DRC9: variants seen among roughly 807,000 people sequenced by gnomAD.
DRC9 encodes dynein regulatory complex protein 9.
chr3:197,936,420 A>G, the DRC9 span, among the ~76,000 whole-genome samples: 2 of 152,036 alleles, frequency 1.3e-5, no homozygotes, highest in African/African-American at 2.4e-5. Flanking sequence ...GCTGGAGTGC[A>G]GTGGCACAAT....
chr3:197,908,696 G>A, the DRC9 span, among the ~76,000 whole-genome samples: 2 of 146,070 alleles, frequency 1.4e-5, no homozygotes, highest in Non-Finnish European at 3.0e-5. Flanking sequence ...GTTATCACAG[G>A]GGTGGTGACT....
chr3:197,932,356 C>T, the DRC9 span: 31 of 1,501,930 alleles, frequency 2.1e-5, no homozygotes, highest in South Asian at 5.8e-5. Context: ...TATTTTCAGC[C>T]GGGCATGGTG....
the DRC9 span, among the ~76,000 whole-genome samples, chr3:197,919,412 C>G: frequency 3.9e-5 from 6 of 152,150 alleles, no homozygotes; most frequent in Admixed American, 6.5e-5. Context: ...GGTACAGGCT[C>G]CTTTTCAGAG....
At chr3:197,917,413 C>G in the DRC9 span, among the ~76,000 whole-genome samples, 1 of 152,324 alleles carries the variant, frequency 6.6e-6, no homozygotes, top group Admixed American at 6.5e-5. Flanking sequence ...AATTGTATGA[C>G]AGTTATTCCA....
At chr3:197,946,434 C>CAAA in the DRC9 span, among the ~76,000 whole-genome samples, 604 of 71,856 alleles carry the variant, frequency 8.4e-3, 14 homozygotes, top group African/African-American at 0.019. Context: ...GACTCCGTCT[C>CAAA]AAAAAAAAAA....
the DRC9 span, among the ~76,000 whole-genome samples, chr3:197,904,091 TATATATATATATATA>T: frequency 1.2e-4 from 13 of 105,870 alleles, no homozygotes; most frequent in Admixed American, 5.9e-4. Flanking sequence ...TACATACATA[TATATATATATATATA>T]TATATTTTTT....
the DRC9 span, among the ~76,000 whole-genome samples, chr3:197,893,357 C>CA: frequency 0.2 from 8,599 of 42,778 alleles, 1,266 homozygotes; most frequent in African/African-American, 0.27. Flanking sequence ...AACTCCGTCT[C>CA]AAAAAAAAAA....
the DRC9 span, chr3:197,906,321 TAG>T: frequency 6.6e-6 from 1 of 152,178 alleles, no homozygotes; most frequent in East Asian, 1.9e-4. Flanking sequence ...TATGACCTAG[TAG>T]GGTTTATCCC....
the DRC9 span, among the ~76,000 whole-genome samples, chr3:197,926,604 A>G: frequency 6.6e-6 from 1 of 152,176 alleles, no homozygotes; most frequent in African/African-American, 2.4e-5. Context: ...GGCGTAAGTC[A>G]GCAAGGGTCC....
chr3:197,946,401 C>G, the DRC9 span, among the ~76,000 whole-genome samples: 2 of 145,786 alleles, frequency 1.4e-5, no homozygotes, highest in African/African-American at 2.6e-5. Context: ...CGCCACTGCA[C>G]TCCAGCCTGG....
At chr3:197,906,142 C>T in the DRC9 span, among the ~76,000 whole-genome samples, 1 of 152,248 alleles carries the variant, frequency 6.6e-6, no homozygotes, top group East Asian at 1.9e-4. Context: ...TGACAAAATG[C>T]TAAGCTGTGT....
chr3:197,921,512 A>C, the DRC9 span, among the ~76,000 whole-genome samples: 1 of 134,838 alleles, frequency 7.4e-6, no homozygotes. Flanking sequence ...TTCTTGGTCG[A>C]CCCGACTACT....
the DRC9 span, among the ~76,000 whole-genome samples, chr3:197,943,002 A>G: frequency 2.0e-5 from 3 of 152,120 alleles, no homozygotes; most frequent in Non-Finnish European, 4.4e-5. Flanking sequence ...TATACCTACA[A>G]CCTAAGTTAC....
At chr3:197,916,424 G>C in the DRC9 span, 2 of 152,016 alleles carry the variant, frequency 1.3e-5, no homozygotes, top group African/African-American at 2.4e-5. Context: ...TGGGACTACA[G>C]GTGCATGACA....
At chr3:197,898,491 A>C in the DRC9 span, among the ~76,000 whole-genome samples, 3 of 152,258 alleles carry the variant, frequency 2.0e-5, no homozygotes, top group African/African-American at 7.2e-5. Flanking sequence ...AGTGTGGTAG[A>C]GAAAAAGCAG....
chr3:197,956,551 GGCC>G, the DRC9 span: 1 of 151,648 alleles, frequency 6.6e-6, no homozygotes. Context: ...ACTTTAAGCA[GGCC>G]TCCTAAATAT....
chr3:197,900,603 G>A, the DRC9 span, among the ~76,000 whole-genome samples: 5 of 150,148 alleles, frequency 3.3e-5, no homozygotes, highest in African/African-American at 1.2e-4. The surrounding 1 kb of genome is among the most constrained non-coding windows in gnomAD (Gnocchi z 4.7). Context: ...AGCAGAACAG[G>A]GCACTCGGCA....
At chr3:197,910,935 G>T in the DRC9 span, among the ~76,000 whole-genome samples, 2 of 147,768 alleles carry the variant, frequency 1.4e-5, no homozygotes, top group African/African-American at 5.0e-5. Flanking sequence ...TCACGCCACT[G>T]CACTCCAGCC....
the DRC9 span, among the ~76,000 whole-genome samples, chr3:197,946,723 A>G: frequency 2.3e-3 from 354 of 152,350 alleles, 1 homozygote; most frequent in Non-Finnish European, 3.9e-3. Context: ...CAGAATCTTC[A>G]CATAAATTTG....
Sources: gnomAD v4.1 joint callset for allele counts (sites outside exome capture counted in the v4.1 genomes callset) on GRCh38, gnomAD v4.1.1 for gene constraint, Gnocchi (gnomAD v3.1) non-coding constraint, MANE v1.5 for transcripts, NCBI Gene and HGNC (gene_info 2026-07-23, HGNC 2026-07-21) for gene names.